LRRTM3: variants seen among roughly 807,000 people sequenced by gnomAD.
The protein encoded by LRRTM3 is leucine-rich repeat transmembrane neuronal protein 3.
A neutral mutation model predicts 44.7 loss-of-function variants in LRRTM3; 24 were observed. The observed-to-expected ratio is 0.54, with a 90% CI of 0.39 to 0.76. The LOEUF is 0.76. Ranked by LOEUF, LRRTM3 falls within the 30% of genes least tolerant of loss-of-function variation. The pLI, the probability that LRRTM3 is intolerant of heterozygous loss-of-function variation, is 0.00. For missense variants in LRRTM3, 587 were observed against 702.2 expected, an observed-to-expected ratio of 0.84 and a Z score of 1.85; for synonymous variants, 277 against 278.7, an observed-to-expected ratio of 0.99 and a Z score of 0.06.
intron 2 of LRRTM3, among the ~76,000 whole-genome samples, chr10:66,969,633 T>G (rs1849614886): frequency 6.6e-6 from 1 of 152,148 alleles, no homozygotes; most frequent in Non-Finnish European, 1.5e-5. Flanking sequence ...GTTATGAAAA[T>G]TTTTATTCCA....
At chr10:66,930,130 T>A (rs111645306) in intron 2 of LRRTM3, among the ~76,000 whole-genome samples, 5,505 of 152,204 alleles carry the variant, frequency 0.036, 135 homozygotes, top group Middle Eastern at 0.071. Flanking sequence ...AAATAAAATT[T>A]TAAGGATGCC....
At chr10:66,936,438 A>G (rs1393924911) in intron 2 of LRRTM3, among the ~76,000 whole-genome samples, 1 of 151,540 alleles carries the variant, frequency 6.6e-6, no homozygotes, top group Non-Finnish European at 1.5e-5. Context: ...CTATTTTCCT[A>G]TTTCTAATAG....
chr10:66,942,548 GTCTCTCTCTC>G (rs67598003), intron 2 of LRRTM3, among the ~76,000 whole-genome samples: 38 of 148,124 alleles, frequency 2.6e-4, no homozygotes, highest in African/African-American at 6.7e-4. Flanking sequence ...TTGCCATAAT[GTCTCTCTCTC>G]TCTCTCTCTC....
At chr10:66,979,669 G>A (rs1300475159) in intron 2 of LRRTM3, among the ~76,000 whole-genome samples, 1 of 152,150 alleles carries the variant, frequency 6.6e-6, no homozygotes, top group Non-Finnish European at 1.5e-5. Flanking sequence ...TTGTGGGGAT[G>A]AATAGGATTA....
At chr10:66,978,552 A>AAATAAAAATAAAAAAATATATATATAT in intron 2 of LRRTM3, among the ~76,000 whole-genome samples, 3 of 37,866 alleles carry the variant, frequency 7.9e-5, no homozygotes, top group Non-Finnish European at 1.5e-4. Flanking sequence ...AAAAAAAAAA[A>AAATAAAAATAAAAAAATATATATATAT]ATATATATAT....
intron 1 of LRRTM3, 106 bp from the exon 2 acceptor site, chr10:66,926,815 T>C (rs1847104422): frequency 1.9e-6 from 2 of 1,067,204 alleles, no homozygotes; most frequent in Non-Finnish European, 2.6e-6. Flanking sequence ...TTAAGTGTTA[T>C]TTAGATTTAA....
chr10:66,952,652 C>T (rs1848593429), intron 2 of LRRTM3, among the ~76,000 whole-genome samples: 2 of 152,008 alleles, frequency 1.3e-5, no homozygotes, highest in South Asian at 4.1e-4. Flanking sequence ...TTGACATTGT[C>T]ATAGTCAGGT....
In LRRTM3 at chr10:67,026,730, A is replaced by T. The variant is rs543456232; in HGVS notation, c.1537-70857A>T. ...CGAAAAAGTATATTAACGTTCATTT[A>T]AAACCTCTTCTGTCTGGTTCTTAGT... On this transcript the variant is annotated intron_variant, in intron 2 of 2. Transcript: ENST00000361320. Among the ~76,000 whole-genome samples the T allele has an allele frequency of 4.6e-5, 7 of 152,322 alleles. No individual in the cohort carries two copies. The East Asian group carries it at 1.4e-3, about 29-fold the overall frequency.
At chr10:66,996,348 T>C (rs888650291) in intron 2 of LRRTM3, among the ~76,000 whole-genome samples, 1 of 152,106 alleles carries the variant, frequency 6.6e-6, no homozygotes, top group Non-Finnish European at 1.5e-5. Flanking sequence ...TAAGCTTGTT[T>C]AATAATGCAT....
intron 2 of LRRTM3, among the ~76,000 whole-genome samples, chr10:66,940,459 G>T (rs574003487): frequency 6.6e-6 from 1 of 152,274 alleles, no homozygotes; most frequent in South Asian, 2.1e-4. Flanking sequence ...GAGCAACAGA[G>T]CAAGATCATG....
intron 2 of LRRTM3, among the ~76,000 whole-genome samples, chr10:67,088,895 A>G (rs921905879): frequency 2.6e-5 from 4 of 152,064 alleles, no homozygotes; most frequent in African/African-American, 9.7e-5. Flanking sequence ...CTAACTGCAA[A>G]TTGAAAATAT....
At chr10:66,957,908 A>G (rs536978101) in intron 2 of LRRTM3, among the ~76,000 whole-genome samples, 1 of 152,168 alleles carries the variant, frequency 6.6e-6, no homozygotes, top group African/African-American at 2.4e-5. Context: ...ACTTACGCAT[A>G]TGAACCCTAC....
intron 2 of LRRTM3, among the ~76,000 whole-genome samples, chr10:67,075,170 G>GCACACACACACACACACACA (rs57260841): frequency 2.4e-4 from 36 of 149,750 alleles, no homozygotes; most frequent in African/African-American, 6.2e-4. Flanking sequence ...AAGGATTTCT[G>GCACACACACACACACACACA]CACACACACA....
intron 2 of LRRTM3, among the ~76,000 whole-genome samples, chr10:67,028,822 T>C (rs1188904615): frequency 6.6e-6 from 1 of 152,130 alleles, no homozygotes; most frequent in Admixed American, 6.5e-5. Flanking sequence ...GTAATTACAT[T>C]AGGAAGATAG....
intron 2 of LRRTM3, among the ~76,000 whole-genome samples, chr10:67,057,644 T>C (rs1166545989): frequency 6.6e-6 from 1 of 152,082 alleles, no homozygotes; most frequent in East Asian, 1.9e-4. Flanking sequence ...ACGAGGTTGG[T>C]TTACTTCAAG....
At chr10:67,088,142 GA>G (rs1332240498) in intron 2 of LRRTM3, among the ~76,000 whole-genome samples, 1 of 151,482 alleles carries the variant, frequency 6.6e-6, no homozygotes, top group East Asian at 2.0e-4. Flanking sequence ...GCCAAATGGG[GA>G]GATAAGAAAT....
At chr10:67,096,977 G>GAA (rs1480137931) in intron 2 of LRRTM3, among the ~76,000 whole-genome samples, 3 of 151,898 alleles carry the variant, frequency 2.0e-5, no homozygotes, top group Admixed American at 6.6e-5. Flanking sequence ...AGAATAGCCA[G>GAA]AATGGCTTGT....
chr10:67,021,556 T>G (rs1258303555), intron 2 of LRRTM3, among the ~76,000 whole-genome samples: 1 of 152,094 alleles, frequency 6.6e-6, no homozygotes, highest in Non-Finnish European at 1.5e-5. Flanking sequence ...TGGGTTGCTA[T>G]GTAGCTATCA....
intron 2 of LRRTM3, among the ~76,000 whole-genome samples, chr10:67,052,974 C>T (rs1855204570): frequency 6.6e-6 from 1 of 152,092 alleles, no homozygotes; most frequent in Non-Finnish European, 1.5e-5. Context: ...GTTCATTGTA[C>T]TTACACTGAC....
Sources: gnomAD v4.1 joint callset for allele counts (sites outside exome capture counted in the v4.1 genomes callset) on GRCh38, gnomAD v4.1.1 for gene constraint, MANE v1.5 for transcripts, NCBI Gene and HGNC (gene_info 2026-07-23, HGNC 2026-07-21) for gene names.